LPP: variants seen among roughly 807,000 people sequenced by gnomAD.
The protein encoded by LPP is LIM domain containing preferred translocation partner in lipoma, also known as lipoma-preferred partner.
In LPP, 38 loss-of-function variants were observed where a neutral mutation model predicts 60.4. The ratio of observed to expected loss-of-function variants is 0.63; its 90% CI spans 0.49 to 0.83. The LOEUF is 0.83. LPP is among the 40% of genes least tolerant of loss of function. The pLI, the probability that LPP is intolerant of heterozygous loss-of-function variation, is 0.00. For missense variants in LPP, 902 were observed against 783.6 expected (o/e 1.15, Z -1.80); for synonymous variants, 328 against 290.8 (o/e 1.13, Z -1.30).
intron 2 of LPP, among the ~76,000 whole-genome samples, chr3:188,335,974 A>G (rs1240942445): frequency 6.6e-6 from 1 of 152,202 alleles, no homozygotes; most frequent in African/African-American, 2.4e-5. Context: ...TAGGGTCTCC[A>G]TGCAGCTTCT....
In LPP at chr3:188,869,431, C is replaced by T. The variant is rs569506776; in HGVS notation, c.1589+3053C>T. Among the ~76,000 whole-genome samples the T allele has an allele frequency of 1.6e-4, 25 of 152,282 alleles. No individual in the cohort carries two copies. In the East Asian group the frequency reaches 3.9e-3, roughly 24 times the overall value. On this transcript the variant is annotated intron_variant, in intron 10 of 11. Transcript: ENST00000617246. Reference sequence around the variant, plus strand: ...TCAGCCTCCCAAGTAGCTTGGATTACGGGCACCCACCACCATGCCTGGCTA... The same window carrying T: ...TCAGCCTCCCAAGTAGCTTGGATTATGGGCACCCACCACCATGCCTGGCTA...
intron 10 of LPP, among the ~76,000 whole-genome samples, chr3:188,871,662 CTG>C (rs375421626): frequency 1.2e-3 from 180 of 152,198 alleles, no homozygotes; most frequent in African/African-American, 4.1e-3. Context: ...GAGTCACAGT[CTG>C]TTTTTCTTTT....
chr3:188,612,669 T>A (rs1315047080), intron 7 of LPP, among the ~76,000 whole-genome samples: 2 of 152,164 alleles, frequency 1.3e-5, no homozygotes, highest in Non-Finnish European at 2.9e-5. Flanking sequence ...TATTTTTAAT[T>A]TTTTTTAGTC....
chr3:188,599,731 A>G (rs66816318), intron 6 of LPP, among the ~76,000 whole-genome samples: 39,036 of 141,944 alleles, frequency 0.28, 5,662 homozygotes, highest in Non-Finnish European at 0.34. Flanking sequence ...TCTGGCAAAA[A>G]CTATCGGGGA....
At chr3:188,569,481 C>T (rs1833012195) in intron 6 of LPP, among the ~76,000 whole-genome samples, 2 of 151,880 alleles carry the variant, frequency 1.3e-5, no homozygotes, top group African/African-American at 4.8e-5. Context: ...CAGATTAACC[C>T]TTTGCAGCAA....
At chr3:188,249,901 A>ATATATATG in intron 2 of LPP, among the ~76,000 whole-genome samples, 1 of 87,816 alleles carries the variant, frequency 1.1e-5, no homozygotes, top group East Asian at 2.7e-4. Flanking sequence ...ATATATATAT[A>ATATATATG]TTTTTTTTTT....
At chr3:188,586,952 A>C (rs1418288788) in intron 6 of LPP, among the ~76,000 whole-genome samples, 4 of 151,944 alleles carry the variant, frequency 2.6e-5, no homozygotes, top group Non-Finnish European at 4.4e-5. Context: ...GCTGGTCTTG[A>C]ACACCTGACC....
intron 4 of LPP, among the ~76,000 whole-genome samples, chr3:188,479,462 A>G (rs1056057067): frequency 3.9e-5 from 6 of 152,224 alleles, no homozygotes; most frequent in African/African-American, 1.4e-4. Flanking sequence ...TGGAACATTG[A>G]CATCTGAGAT....
chr3:188,673,552 A>T (rs568620409), intron 7 of LPP, among the ~76,000 whole-genome samples: 2 of 152,232 alleles, frequency 1.3e-5, no homozygotes, highest in South Asian at 4.1e-4. Context: ...GACTTTTAAA[A>T]CATTATGGGT....
intron 1 of LPP, among the ~76,000 whole-genome samples, chr3:188,206,681 G>A (rs907780196): frequency 1.3e-5 from 2 of 152,196 alleles, no homozygotes; most frequent in Non-Finnish European, 2.9e-5. Flanking sequence ...GGAGAATCTG[G>A]GCGATGAGAA....
At chr3:188,213,005 G>GATCGGCCTGA (rs1267919412) in intron 1 of LPP, 4 of 152,146 alleles carry the variant, frequency 2.6e-5, no homozygotes, top group Non-Finnish European at 5.9e-5. Context: ...TTCAAGACAA[G>GATCGGCCTGA]ATCGGCCTGA....
chr3:188,327,918 G>A (rs1396925425), intron 2 of LPP, among the ~76,000 whole-genome samples: 1 of 152,066 alleles, frequency 6.6e-6, no homozygotes, highest in Non-Finnish European at 1.5e-5. Context: ...AGTAAGAAAT[G>A]AAACTACAAT....
chr3:188,257,374 C>T (rs1732011943), intron 2 of LPP, among the ~76,000 whole-genome samples: 1 of 152,158 alleles, frequency 6.6e-6, no homozygotes, highest in South Asian at 2.1e-4. Flanking sequence ...GTCGTGTTAC[C>T]TCCTGAGGCC....
chr3:188,330,602 A>G (rs1759747506), intron 2 of LPP, among the ~76,000 whole-genome samples: 1 of 152,108 alleles, frequency 6.6e-6, no homozygotes, highest in Admixed American at 6.6e-5. Flanking sequence ...CTGGCCAGGC[A>G]TGGTGCCTCA....
At chr3:188,582,533 C>A (rs1836494321) in intron 6 of LPP, among the ~76,000 whole-genome samples, 1 of 151,852 alleles carries the variant, frequency 6.6e-6, no homozygotes, top group African/African-American at 2.4e-5. Context: ...TTTCCTAGGG[C>A]CTGCTCTTGT....
chr3:188,876,145 T>C lies in LPP; in HGVS notation c.*1666T>C, dbSNP rs141153150. 7.9e-3 allele frequency: 1,497 copies of C among 188,724 alleles called. 19 individuals carry two copies. Among genetic ancestry groups the C allele is most frequent in the African/African-American group, 0.032 (1,387 of 42,928 alleles). 11.7% of individuals were successfully genotyped at this position (188,724 alleles called of 1,614,324 possible). ...TTCAGATTTCTAGTTTTTTTTCTAG[T>C]TTTTAATTTTAACATCAGAACTGAA... On this transcript the variant is annotated 3_prime_UTR_variant, in exon 12 of 12. Coordinates refer to ENST00000617246, the MANE Select transcript of LPP (RefSeq NM_001375462.1).
At chr3:188,522,900 G>A (rs13065655) in intron 5 of LPP, among the ~76,000 whole-genome samples, 59,226 of 149,190 alleles carry the variant, frequency 0.4, 13,767 homozygotes, top group East Asian at 0.91. Context: ...GTGTGTGTGT[G>A]TATATACATA....
At chr3:188,508,659 A>G (rs373888247) in intron 5 of LPP, among the ~76,000 whole-genome samples, 3 of 152,232 alleles carry the variant, frequency 2.0e-5, no homozygotes, top group African/African-American at 7.2e-5. Context: ...CGTCTTTGCC[A>G]TTTCGACAGA....
intron 10 of LPP, among the ~76,000 whole-genome samples, chr3:188,867,002 T>C (rs1766806187): frequency 6.6e-6 from 1 of 152,142 alleles, no homozygotes. Flanking sequence ...CAAGTTATTT[T>C]TTAATAGAAT....
Sources: allele counts gnomAD v4.1 joint callset (sites outside exome capture counted in the v4.1 genomes callset), GRCh38; gene constraint gnomAD v4.1.1; transcripts MANE v1.5; gene names NCBI Gene and HGNC (gene_info 2026-07-23, HGNC 2026-07-21).